CCBE1: variants seen among roughly 807,000 people sequenced by gnomAD.
The protein encoded by CCBE1 is collagen and calcium-binding EGF domain-containing protein 1.
Under a neutral mutation model 50.0 loss-of-function variants are expected in CCBE1, and 37 were observed. That is an observed-to-expected ratio of 0.74 (90% confidence interval 0.57 to 0.97). The LOEUF is 0.97. Among genes scored for constraint, CCBE1 ranks in the 50% least tolerant of loss-of-function variants. The probability of loss-of-function intolerance (pLI) is 0.00; values close to 1 mark genes in which losing one functional copy is unlikely to be tolerated. For synonymous variants in CCBE1, 234 were observed against 203.7 expected (o/e 1.15, Z -1.27); for missense variants, 538 against 523.8 (o/e 1.03, Z -0.26).
intron 2 of CCBE1, among the ~76,000 whole-genome samples, chr18:59,559,365 T>C (rs1178642895): frequency 2.0e-5 from 3 of 152,170 alleles, no homozygotes; most frequent in Admixed American, 6.5e-5. Context: ...AAATAGAGCA[T>C]AAGCAGCTCT....
chr18:59,590,653 C>A (rs891476418), intron 2 of CCBE1, among the ~76,000 whole-genome samples: 3 of 152,092 alleles, frequency 2.0e-5, no homozygotes, highest in African/African-American at 7.2e-5. Context: ...AGGGTTGTAT[C>A]GCACATGAGT....
chr18:59,676,618 C>G (rs1489944914), intron 2 of CCBE1, among the ~76,000 whole-genome samples: 1 of 152,178 alleles, frequency 6.6e-6, no homozygotes, highest in Admixed American at 6.5e-5. Context: ...AGGAACCGTA[C>G]TGGACACGGG....
chr18:59,541,155 ACACT>A (rs1328843998), intron 2 of CCBE1, among the ~76,000 whole-genome samples: 6 of 152,228 alleles, frequency 3.9e-5, no homozygotes, highest in African/African-American at 1.2e-4. Flanking sequence ...GCTTTGCAAA[ACACT>A]CACCTTTTCA....
chr18:59,496,446 T>C (rs192748251), intron 2 of CCBE1, among the ~76,000 whole-genome samples: 65 of 152,328 alleles, frequency 4.3e-4, no homozygotes, highest in African/African-American at 1.4e-3. Context: ...CTCCAGTCTC[T>C]CATTCTTCCT....
chr18:59,630,804 AT>A (rs1425143824), intron 2 of CCBE1, among the ~76,000 whole-genome samples: 1 of 152,182 alleles, frequency 6.6e-6, no homozygotes, highest in Non-Finnish European at 1.5e-5. Flanking sequence ...TGTATCTTTG[AT>A]TTTGTACCCA....
At chr18:59,690,780 G>A (rs969511122) in intron 2 of CCBE1, among the ~76,000 whole-genome samples, 4 of 152,162 alleles carry the variant, frequency 2.6e-5, no homozygotes, top group African/African-American at 9.7e-5. Flanking sequence ...TCCCTCCCTC[G>A]AACACCTGTT....
At chr18:59,476,188 C>T (rs1912297380) in intron 3 of CCBE1, among the ~76,000 whole-genome samples, 1 of 152,150 alleles carries the variant, frequency 6.6e-6, no homozygotes, top group South Asian at 2.1e-4. Flanking sequence ...TAATAATACC[C>T]ACACTTCATG....
At chr18:59,637,302 G>C (rs1043584466) in intron 2 of CCBE1, among the ~76,000 whole-genome samples, 1 of 152,100 alleles carries the variant, frequency 6.6e-6, no homozygotes, top group Non-Finnish European at 1.5e-5. Context: ...GTTCAATGAT[G>C]TTACAATTCT....
chr18:59,550,789 G>A (rs994590152), intron 2 of CCBE1, among the ~76,000 whole-genome samples: 1 of 152,000 alleles, frequency 6.6e-6, no homozygotes, highest in African/African-American at 2.4e-5. Flanking sequence ...AGCACTGTGG[G>A]AGGCGGAGGC....
In CCBE1 at chr18:59,439,890, G is replaced by C. The variant is rs1447660880; in HGVS notation, c.776-74C>G. On this transcript the variant is annotated intron_variant, in intron 7 of 10. Coordinates refer to ENST00000439986, the MANE Select transcript of CCBE1 (RefSeq NM_133459.4). ...AGGGCCCTGGCTAACAAGAGTCCAG[G>C]ACCCCTGCAGCCATTTCTCTTTGTA... 18 of 1,517,800 alleles carry C rather than the reference G, an allele frequency of 1.2e-5. No homozygotes were observed. In the Admixed American group the frequency reaches 2.2e-4, roughly 19 times the overall value. The allele number at this position is 1,517,800 out of a possible 1,614,324, so 94.0% of individuals were successfully genotyped here.
At chr18:59,655,065 C>A (rs151008563) in intron 2 of CCBE1, among the ~76,000 whole-genome samples, 1 of 130,086 alleles carries the variant, frequency 7.7e-6, no homozygotes, top group Non-Finnish European at 1.6e-5. Context: ...GCAGCCTGGG[C>A]GACACCACTG....
intron 2 of CCBE1, among the ~76,000 whole-genome samples, chr18:59,661,882 G>A (rs141474297): frequency 0.011 from 1,675 of 151,008 alleles, 26 homozygotes; most frequent in African/African-American, 0.039. Context: ...CAGGAGAGTC[G>A]CTTGAATCCA....
At chr18:59,525,296 G>A (rs1473694157) in intron 2 of CCBE1, among the ~76,000 whole-genome samples, 24 of 152,180 alleles carry the variant, frequency 1.6e-4, no homozygotes, top group Admixed American at 1.6e-3. Flanking sequence ...GTATCTCATT[G>A]CGGTTTTGAT....
At chr18:59,671,790 G>A (rs1020896713) in intron 2 of CCBE1, among the ~76,000 whole-genome samples, 3 of 137,568 alleles carry the variant, frequency 2.2e-5, no homozygotes, top group African/African-American at 8.2e-5. Flanking sequence ...TGTCAGATTA[G>A]ATAAAAGGAT....
chr18:59,560,236 G>A (rs2052714438), intron 2 of CCBE1, among the ~76,000 whole-genome samples: 1 of 152,216 alleles, frequency 6.6e-6, no homozygotes, highest in Admixed American at 6.5e-5. Flanking sequence ...AGGGCCTATT[G>A]CAGTGCATGG....
At chr18:59,612,825 TGTTTTTTTTTGTTTTTGTTTTTG>T (rs2053590091) in intron 2 of CCBE1, among the ~76,000 whole-genome samples, 1 of 117,908 alleles carries the variant, frequency 8.5e-6, no homozygotes, top group Non-Finnish European at 1.8e-5. Context: ...GTTTTTTTTT[TGTTTTTTTTTGTTTTTGTTTTTG>T]TTTTTTTTAA....
Position 59,660,718 on chromosome 18 carries a change from C to G in CCBE1, c.212+35911G>C, listed in dbSNP as rs1165295763. ...CCCATTTTCTGCCTCAAACAAAAGC[C>G]CAACACGTATTTTTTTTAAATATGA... On this transcript the variant is annotated intron_variant, in intron 2 of 10. Transcript: ENST00000439986. Among the ~76,000 whole-genome samples, 3 of 151,920 alleles carry G rather than the reference C, an allele frequency of 2.0e-5. No individual in the cohort carries two copies. In the East Asian group the frequency reaches 5.8e-4, roughly 29 times the overall value.
chr18:59,595,962 A>T (rs1281229766), intron 2 of CCBE1, among the ~76,000 whole-genome samples: 1 of 152,238 alleles, frequency 6.6e-6, no homozygotes, highest in African/African-American at 2.4e-5. Flanking sequence ...GAAAATGTCC[A>T]TTTTTAAAAA....
At chr18:59,504,700 C>A (rs983169690) in intron 2 of CCBE1, among the ~76,000 whole-genome samples, 3 of 152,184 alleles carry the variant, frequency 2.0e-5, no homozygotes, top group Admixed American at 6.5e-5. Context: ...CTCATGTTAA[C>A]CTGCTGGAGT....
Sources: allele counts gnomAD v4.1 joint callset (sites outside exome capture counted in the v4.1 genomes callset), GRCh38; gene constraint gnomAD v4.1.1; transcripts MANE v1.5; gene names NCBI Gene and HGNC (gene_info 2026-07-23, HGNC 2026-07-21).